The following GFRA1 variants were observed in gnomAD, a reference collection of about 807,000 sequenced individuals.
GFRA1 encodes GDNF family receptor alpha 1, also known as GDNF family receptor alpha-1.
GFRA1 carries 16 observed loss-of-function variants against 51.6 expected under a neutral mutation model. That is an observed-to-expected ratio of 0.31 (90% CI 0.21 to 0.47). The LOEUF is 0.47. Ranked by LOEUF, GFRA1 falls within the 20% of genes least tolerant of loss-of-function variation. The pLI is 1.00. For missense variants in GFRA1, 530 were observed against 594.3 expected, an observed-to-expected ratio of 0.89 and a Z score of 1.13; for synonymous variants, 270 against 241.3, an observed-to-expected ratio of 1.12 and a Z score of -1.10.
chr10:116,120,657 G>A (rs554063392), intron 6 of GFRA1, among the ~76,000 whole-genome samples: 16 of 152,308 alleles, frequency 1.1e-4, no homozygotes, highest in South Asian at 8.3e-4. Context: ...GCCAGAAAAC[G>A]TAGAGCGTGG....
At chr10:116,250,586 G>C (rs1334307926) in intron 4 of GFRA1, among the ~76,000 whole-genome samples, 1 of 152,172 alleles carries the variant, frequency 6.6e-6, no homozygotes, top group African/African-American at 2.4e-5. Context: ...AGTGCAACAG[G>C]GCAAAGCTGG....
chr10:116,240,450 C>A (rs749925682), intron 4 of GFRA1, among the ~76,000 whole-genome samples: 1 of 152,192 alleles, frequency 6.6e-6, no homozygotes, highest in Non-Finnish European at 1.5e-5. Flanking sequence ...AACAAAATCA[C>A]ATTCGCAAAG....
chr10:116,116,210 T>A (rs1476484844), intron 6 of GFRA1, among the ~76,000 whole-genome samples: 2 of 152,184 alleles, frequency 1.3e-5, no homozygotes, highest in African/African-American at 4.8e-5. Context: ...TTCTCCTACC[T>A]CAGCCTCTGG....
At chr10:116,121,267 G>A (rs1957629751) in intron 6 of GFRA1, among the ~76,000 whole-genome samples, 1 of 152,156 alleles carries the variant, frequency 6.6e-6, no homozygotes, top group Non-Finnish European at 1.5e-5. Flanking sequence ...AAAGCAACCA[G>A]AGGAAACCTG....
chr10:116,085,606 A>G (rs1003876187), intron 9 of GFRA1, among the ~76,000 whole-genome samples: 1 of 152,100 alleles, frequency 6.6e-6, no homozygotes, highest in African/African-American at 2.4e-5. Context: ...GTCTCCTGGG[A>G]GCCCTCCGCC....
intron 6 of GFRA1, among the ~76,000 whole-genome samples, chr10:116,111,153 A>T (rs960523105): frequency 6.6e-5 from 10 of 152,320 alleles, no homozygotes; most frequent in African/African-American, 2.4e-4. Context: ...AGACTGCTCC[A>T]AAGGCCATTT....
intron 4 of GFRA1, among the ~76,000 whole-genome samples, chr10:116,266,823 G>A (rs767132304): frequency 1.1e-4 from 17 of 152,202 alleles, no homozygotes; most frequent in Non-Finnish European, 2.2e-4. Context: ...TGAAATGATT[G>A]CAAGGGTAGA....
chr10:116,253,221 G>A (rs1479096277), intron 4 of GFRA1, among the ~76,000 whole-genome samples: 1 of 152,234 alleles, frequency 6.6e-6, no homozygotes, highest in East Asian at 1.9e-4. Context: ...TGCAGAACTG[G>A]AGGTCATGGA....
chr10:116,152,305 C>T (rs1310447560), intron 5 of GFRA1, among the ~76,000 whole-genome samples: 2 of 152,188 alleles, frequency 1.3e-5, no homozygotes, highest in African/African-American at 4.8e-5. Flanking sequence ...TGGAATCACA[C>T]ATCACCGTCT....
At chr10:116,094,572 T>C (rs1179397378) in intron 7 of GFRA1, among the ~76,000 whole-genome samples, 1 of 152,198 alleles carries the variant, frequency 6.6e-6, no homozygotes, top group Admixed American at 6.5e-5. Flanking sequence ...ACCAAATGTC[T>C]TCTCCTGGGT....
At chr10:116,199,093 C>T (rs770220785) in intron 5 of GFRA1, among the ~76,000 whole-genome samples, 9 of 152,156 alleles carry the variant, frequency 5.9e-5, no homozygotes, top group African/African-American at 1.7e-4. Flanking sequence ...TCTTCTAGAG[C>T]CTTCAGAGAG....
rs551662683 is a variant in GFRA1 at position 116,205,584 on chromosome 10, GGAA to G, written c.433+6044_433+6046del. 8.5e-3 allele frequency among the ~76,000 whole-genome samples: 599 copies of G among 70,622 alleles called. 8 individuals carry two copies. Among genetic ancestry groups the G allele is most frequent in the African/African-American group, 0.039 (566 of 14,394 alleles). 46.3% of individuals were successfully genotyped at this position (70,622 alleles called of 152,430 possible). A position where few individuals can be genotyped will look rare whatever the true frequency, so the allele number is the denominator to read the frequency against. On this transcript the variant is annotated intron_variant, in intron 5 of 10. Transcript: ENST00000355422. Reference sequence around the variant, plus strand: ...GCTAGACTTCATCTCAAAAAAGAAAGGAAAAAAAAAAGATATATATATATATAT... The same window carrying G: ...GCTAGACTTCATCTCAAAAAAGAAAGAAAAAAAAGATATATATATATATAT...
intron 5 of GFRA1, among the ~76,000 whole-genome samples, chr10:116,141,065 T>C (rs944232276): frequency 2.6e-5 from 4 of 152,220 alleles, no homozygotes; most frequent in African/African-American, 9.6e-5. Flanking sequence ...CTCTAGTCTA[T>C]AACTGACTGC....
intron 4 of GFRA1, among the ~76,000 whole-genome samples, chr10:116,259,948 G>A (rs567478111): frequency 1.6e-3 from 240 of 152,300 alleles, no homozygotes; most frequent in African/African-American, 5.6e-3. Context: ...ACACACGGCA[G>A]GGGAAGGGGA....
intron 9 of GFRA1, among the ~76,000 whole-genome samples, chr10:116,068,463 A>C (rs377742991): frequency 2.9e-4 from 44 of 152,288 alleles, no homozygotes; most frequent in African/African-American, 9.9e-4. Context: ...TCGGCTGTCT[A>C]GACTGGATGG....
chr10:116,100,779 T>C (rs567491178), intron 6 of GFRA1, among the ~76,000 whole-genome samples: 1 of 152,256 alleles, frequency 6.6e-6, no homozygotes, highest in East Asian at 1.9e-4. Context: ...GAAGGGGTGG[T>C]TCCCTAGGAG....
intron 4 of GFRA1, among the ~76,000 whole-genome samples, chr10:116,229,025 T>C (rs183117305): frequency 5.0e-4 from 69 of 137,804 alleles, no homozygotes; most frequent in African/African-American, 1.7e-3. Context: ...AGGTGGCCTC[T>C]AGAAAACGGA....
intron 5 of GFRA1, among the ~76,000 whole-genome samples, chr10:116,166,753 C>T (rs1472482796): frequency 1.4e-5 from 2 of 140,068 alleles, no homozygotes; most frequent in African/African-American, 5.3e-5. Context: ...CATGGAATTT[C>T]CTCCCTTGAA....
intron 5 of GFRA1, among the ~76,000 whole-genome samples, chr10:116,151,101 T>A (rs1215528913): frequency 6.6e-6 from 1 of 151,910 alleles, no homozygotes; most frequent in African/African-American, 2.4e-5. Flanking sequence ...ACCACCTGGA[T>A]CAATGGAATA....
Sources: allele counts gnomAD v4.1 joint callset (sites outside exome capture counted in the v4.1 genomes callset), GRCh38; gene constraint gnomAD v4.1.1; transcripts MANE v1.5; gene names NCBI Gene and HGNC (gene_info 2026-07-23, HGNC 2026-07-21).